The following SPOP variants were observed in gnomAD, a reference collection of about 807,000 sequenced individuals.
SPOP encodes the protein speckle type BTB/POZ protein, also known as speckle-type POZ protein.
A neutral mutation model predicts 45.6 loss-of-function variants in SPOP; 11 were observed. That is an observed-to-expected ratio of 0.24 (90% CI 0.15 to 0.40). The LOEUF is 0.40. Ranked by LOEUF, SPOP falls within the 10% of genes least tolerant of loss-of-function variation. SPOP has a pLI of 1.00. For synonymous variants in SPOP, 166 were observed against 166.3 expected (o/e 1.00, Z 0.01); for missense variants, 152 against 465.6 (o/e 0.33, Z 6.20).
chr17:49,634,288 C>A (rs2072503913), intron 1 of SPOP, among the ~76,000 whole-genome samples: 2 of 152,330 alleles, frequency 1.3e-5, no homozygotes, highest in South Asian at 4.1e-4. Flanking sequence ...GCACAAATCT[C>A]TAGGGCCACA....
intron 1 of SPOP, among the ~76,000 whole-genome samples, chr17:49,666,448 GACACACACACACACACAC>G (rs36210011): frequency 4.5e-4 from 64 of 142,120 alleles, no homozygotes; most frequent in African/African-American, 6.0e-4. Flanking sequence ...CATGAAGACA[GACACACACACACACACAC>G]ACACACACAC....
At chr17:49,624,401 A>G (rs528799761) in intron 1 of SPOP, among the ~76,000 whole-genome samples, 1 of 151,872 alleles carries the variant, frequency 6.6e-6, no homozygotes, top group South Asian at 2.1e-4. Flanking sequence ...AATTGGTTTG[A>G]TTATAGTAAT....
chr17:49,619,527 A>G lies in SPOP; in HGVS notation c.201-142T>C. On this transcript the variant is annotated intron_variant, in intron 3 of 9. Transcript: ENST00000504102. The surrounding 1 kb of genome is among the most constrained non-coding windows in gnomAD (Gnocchi z 4.9). ...TAATTCAGTAGAATGACTAGTTGGGAACAACTTTTTTCTCTTTTTTTTTGA... is the reference window on the plus strand; with the variant it reads ...TAATTCAGTAGAATGACTAGTTGGGGACAACTTTTTTCTCTTTTTTTTTGA... The G allele has an allele frequency of 1.0e-6, 1 of 984,002 alleles. No individual in the cohort carries two copies. Among genetic ancestry groups the G allele is most frequent in the South Asian group, 1.8e-5 (1 of 56,316 alleles). The allele number at this position is 984,002 out of a possible 1,614,324, so 61.0% of individuals were successfully genotyped here. A position where few individuals can be genotyped will look rare whatever the true frequency, so the allele number is the denominator to read the frequency against.
intron 1 of SPOP, among the ~76,000 whole-genome samples, chr17:49,661,195 T>A (rs2072983532): frequency 6.6e-6 from 1 of 152,182 alleles, no homozygotes; most frequent in Admixed American, 6.5e-5. Flanking sequence ...CCTAATCATG[T>A]TATTTCTTCA....
intron 1 of SPOP, among the ~76,000 whole-genome samples, chr17:49,669,289 A>T (rs1248291366): frequency 3.1e-4 from 36 of 117,338 alleles, no homozygotes; most frequent in African/African-American, 1.1e-3. Context: ...CTGGTCTTGA[A>T]CTCCCGACCT....
chr17:49,614,397 C>T (rs2072038735), intron 5 of SPOP, among the ~76,000 whole-genome samples: 1 of 152,112 alleles, frequency 6.6e-6, no homozygotes, highest in Admixed American at 6.6e-5. Flanking sequence ...CAGTCTGACA[C>T]CATTTTTATA....
chr17:49,654,680 G>A (rs2072884664), intron 1 of SPOP, among the ~76,000 whole-genome samples: 1 of 152,156 alleles, frequency 6.6e-6, no homozygotes, highest in African/African-American at 2.4e-5. Flanking sequence ...AGCTACTCAG[G>A]AGGCTGAGGC....
chr17:49,665,965 C>A (rs868158197), intron 1 of SPOP, among the ~76,000 whole-genome samples: 1 of 141,700 alleles, frequency 7.1e-6, no homozygotes, highest in African/African-American at 2.7e-5. Context: ...GGCAACAGGG[C>A]GAGACTCCAT....
chr17:49,674,422 A>G (rs1315289688), intron 1 of SPOP, among the ~76,000 whole-genome samples: 2 of 152,124 alleles, frequency 1.3e-5, no homozygotes, highest in African/African-American at 4.8e-5. Flanking sequence ...CTATTTCTTC[A>G]TGGTTCAATC....
intron 1 of SPOP, among the ~76,000 whole-genome samples, chr17:49,632,822 A>G (rs1003500813): frequency 6.6e-6 from 1 of 152,204 alleles, no homozygotes; most frequent in African/African-American, 2.4e-5. Context: ...AAGTGAGGGA[A>G]ATCCTTAGCA....
At chr17:49,637,535 G>A (rs779184917) in intron 1 of SPOP, among the ~76,000 whole-genome samples, 10 of 152,216 alleles carry the variant, frequency 6.6e-5, no homozygotes, top group Middle Eastern at 6.8e-3. Context: ...ATTTTTAATA[G>A]AGACGGGATT....
chr17:49,607,930 C>T lies in SPOP; in HGVS notation c.659-1G>A, dbSNP rs2071885880. 6.2e-7 allele frequency: 1 copy of T among 1,611,904 alleles called. No individual in the cohort carries two copies. Among genetic ancestry groups the T allele is most frequent in the Non-Finnish European group, 8.5e-7 (1 of 1,178,816 alleles). ...ATGGCACTAAAAACCGGAGAACGAG[C>T]TACAAAGTCAAAGAGAAACAAGCAG... On this transcript the variant is annotated splice_acceptor_variant, in intron 6 of 9. Coordinates refer to ENST00000504102, the MANE Select transcript of SPOP (RefSeq NM_001007228.2). LOFTEE classifies it high-confidence loss of function.
intron 1 of SPOP, among the ~76,000 whole-genome samples, chr17:49,637,346 C>T (rs961468184): frequency 6.6e-6 from 1 of 152,038 alleles, no homozygotes; most frequent in Non-Finnish European, 1.5e-5. Flanking sequence ...CAGAAAAATC[C>T]AAGCTGGTTC....
In SPOP at chr17:49,677,577, G is replaced by C. The variant is rs2073217094; in HGVS notation, c.-67+356C>G. ...ACACCGCGATGCGCATGCGCCCCCG[G>C]GGCAGCGAAGAAGCAGCCCGAGCGC... On this transcript the variant is annotated intron_variant, in intron 1 of 9. Coordinates refer to ENST00000504102, the MANE Select transcript of SPOP (RefSeq NM_001007228.2). Among the ~76,000 whole-genome samples, 3 of 152,190 alleles carry C rather than the reference G, an allele frequency of 2.0e-5. No individual in the cohort carries two copies. The South Asian group carries it at 6.2e-4, about 32-fold the overall frequency.
chr17:49,662,888 C>A (rs2073007635), intron 1 of SPOP, among the ~76,000 whole-genome samples: 1 of 152,182 alleles, frequency 6.6e-6, no homozygotes, highest in South Asian at 2.1e-4. Flanking sequence ...CCCACCCACA[C>A]CCTCTCTTAA....
intron 8 of SPOP, among the ~76,000 whole-genome samples, chr17:49,603,021 T>G (rs139667971): frequency 6.6e-6 from 1 of 152,304 alleles, no homozygotes; most frequent in African/African-American, 2.4e-5. Flanking sequence ...TTTGAGGCTA[T>G]GCACAGTCTC....
intron 8 of SPOP, among the ~76,000 whole-genome samples, chr17:49,603,657 A>G (rs984491092): frequency 3.9e-5 from 6 of 152,244 alleles, no homozygotes; most frequent in African/African-American, 1.4e-4. Context: ...AGATCATTCC[A>G]TGAAAGATTT....
At chr17:49,659,774 C>G (rs1370252786) in intron 1 of SPOP, among the ~76,000 whole-genome samples, 1 of 152,174 alleles carries the variant, frequency 6.6e-6, no homozygotes, top group African/African-American at 2.4e-5. Flanking sequence ...ATTCGCATCT[C>G]AAATTTAACA....
At chr17:49,657,479 A>T (rs1470513149) in intron 1 of SPOP, among the ~76,000 whole-genome samples, 2 of 151,618 alleles carry the variant, frequency 1.3e-5, no homozygotes, top group African/African-American at 4.8e-5. Flanking sequence ...GCTCACTGCA[A>T]CCTCTGCCTC....
Sources: gnomAD v4.1 joint callset for allele counts (sites outside exome capture counted in the v4.1 genomes callset) on GRCh38, gnomAD v4.1.1 for gene constraint, Gnocchi (gnomAD v3.1) non-coding constraint, MANE v1.5 for transcripts, NCBI Gene and HGNC (gene_info 2026-07-23, HGNC 2026-07-21) for gene names.